The following ZNF614 variants were observed in gnomAD, a reference collection of about 807,000 sequenced individuals.
ZNF614 encodes the protein zinc finger protein 614.
ZNF614 carries 11 observed loss-of-function variants against 12.8 expected under a neutral mutation model. The ratio of observed to expected loss-of-function variants is 0.86; its 90% CI spans 0.54 to 1.43. ZNF614 has a LOEUF of 1.43. ZNF614 is among the 40% of genes most tolerant of loss of function. ZNF614 has a pLI of 0.00. For missense variants in ZNF614, 664 were observed against 708.8 expected (o/e 0.94, Z 0.72); for synonymous variants, 237 against 237.5 (o/e 1.00, Z 0.02).
chr19:52,024,185 C>A (rs2086954237), intron 2 of ZNF614, among the ~76,000 whole-genome samples: 3 of 152,030 alleles, frequency 2.0e-5, no homozygotes, highest in Non-Finnish European at 4.4e-5. Context: ...CATAATAAGC[C>A]AGTAATCTAG....
Position 52,018,240 on chromosome 19 carries a change from T to C in ZNF614, c.142+128A>G, listed in dbSNP as rs2086912688. The stretch of plus-strand genomic sequence containing the variant: ...TAGAAGAGATTATACCACTTTGGGG[T>C]CAGAGAGGGGACTGAAAATGTAACT... On this transcript the variant is annotated intron_variant, in intron 3 of 4. Transcript: ENST00000270649. The C allele has an allele frequency of 9.3e-6, 14 of 1,499,916 alleles. No homozygotes were observed. In the East Asian group the frequency reaches 3.2e-4, roughly 34 times the overall value. The allele number at this position is 1,499,916 out of a possible 1,614,324, so 92.9% of individuals were successfully genotyped here.
chr19:52,015,874 C>T lies in ZNF614; in HGVS notation c.1724G>A (p.Cys575Tyr). ...AGGAAGGAGCTGTGACTCTCCATTA[C>T]AGGAGTTTTCAACTTGACTGATTCT... ...MGRISQVENS[C>Y]NGESQLLPYK The change falls in exon 5 of 5, where the codon TGT (cysteine) becomes TAT (tyrosine). Residue 575 changes from cysteine to tyrosine, a missense_variant. Coordinates refer to ENST00000270649, the MANE Select transcript of ZNF614 (RefSeq NM_025040.4). The T allele has an allele frequency of 6.2e-7, 1 of 1,613,702 alleles. No homozygotes were observed. Among genetic ancestry groups the T allele is most frequent in the Non-Finnish European group, 8.5e-7 (1 of 1,179,752 alleles).
Position 52,025,861 on chromosome 19 carries a change from G to A in ZNF614, c.-116C>T. The stretch of plus-strand genomic sequence containing the variant: ...TCAGAAATATTAGTGTCCACTTAAA[G>A]TTGTCCCCAGAAATTATGATATCCA... On this transcript the variant is annotated 5_prime_UTR_variant, in exon 2 of 5. Transcript: ENST00000270649. 4 of 1,103,670 alleles carry A rather than the reference G, an allele frequency of 3.6e-6. No homozygotes were observed. Among genetic ancestry groups the A allele is most frequent in the Non-Finnish European group, 4.0e-6 (3 of 753,016 alleles). 68.4% of individuals were successfully genotyped at this position (1,103,670 alleles called of 1,614,324 possible). A position where few individuals can be genotyped will look rare whatever the true frequency, so the allele number is the denominator to read the frequency against.
rs928030481 is a variant in ZNF614, at chr19:52,015,081, T to G, written c.*759A>C. On this transcript the variant is annotated 3_prime_UTR_variant, in exon 5 of 5. Coordinates refer to ENST00000270649, the MANE Select transcript of ZNF614 (RefSeq NM_025040.4). The stretch of plus-strand genomic sequence containing the variant: ...TGGCAAGGCAACTAGAAATGAGGAT[T>G]AAGGTATCCTGACTGAAAATGCACA... 2 of 152,194 alleles carry G rather than the reference T, an allele frequency of 1.3e-5. No homozygotes were observed. Among genetic ancestry groups the G allele is most frequent in the South Asian group, 4.1e-4 (2 of 4,834 alleles). The allele number at this position is 152,194 out of a possible 1,614,324, so 9.4% of individuals were successfully genotyped here.
intron 2 of ZNF614, among the ~76,000 whole-genome samples, chr19:52,022,668 A>G (rs1403913911): frequency 6.6e-6 from 1 of 152,016 alleles, no homozygotes; most frequent in Non-Finnish European, 1.5e-5. Context: ...ATTTCTGACT[A>G]ACTGGCTATA....
chr19:52,017,343 G>GTCA lies in ZNF614; in HGVS notation c.252_254dup (p.Asp85dup), dbSNP rs768337784. 7.5e-6 allele frequency: 12 copies of GTCA among 1,596,234 alleles called. No homozygotes were observed. Among genetic ancestry groups the GTCA allele is most frequent in the Non-Finnish European group, 1.0e-5 (12 of 1,172,234 alleles). ...TTGGAGAGTGCTCTTGCAGATGACT[G>GTCA]TCAACTTTCCCGATTCCTAAGAAAG... is the stretch of plus-strand genomic sequence containing the variant. On this transcript the variant is annotated inframe_insertion, in exon 5 of 5. Coordinates refer to ENST00000270649, the MANE Select transcript of ZNF614 (RefSeq NM_025040.4).
intron 4 of ZNF614, 30 bp downstream of exon 4, chr19:52,017,978 T>G (rs377081396): frequency 6.4e-7 from 1 of 1,559,886 alleles, no homozygotes; most frequent in Non-Finnish European, 8.8e-7. Context: ...AAGACTCCTA[T>G]AGCCACTGTC....
Position 52,017,005 on chromosome 19 carries a change from G to A in ZNF614, c.593C>T (p.Thr198Ile). The change falls in exon 5 of 5, where the codon ACT (threonine) becomes ATT (isoleucine). Residue 198 changes from threonine (T) to isoleucine (I), a missense_variant. Transcript: ENST00000270649. ...TKFQVFKHQR[T>I]QKIEKPHACI... ...TGCATGGGGTTTCTCAATTTTCTGA[G>A]TCCTCTGATGCTTGAAGACTTGGAA... 6.2e-7 allele frequency: 1 copy of A among 1,613,890 alleles called. No homozygotes were observed. Among genetic ancestry groups the A allele is most frequent in the Non-Finnish European group, 8.5e-7 (1 of 1,180,008 alleles).
Position 52,015,665 on chromosome 19 carries a change from T to C in ZNF614, c.*175A>G. The C allele has an allele frequency of 3.3e-6, 2 of 607,344 alleles. No individual in the cohort carries two copies. Among genetic ancestry groups the C allele is most frequent in the East Asian group, 2.8e-5 (1 of 36,174 alleles). The allele number at this position is 607,344 out of a possible 1,614,324, so 37.6% of individuals were successfully genotyped here. A position where few individuals can be genotyped will look rare whatever the true frequency, so the allele number is the denominator to read the frequency against. ...TACCTTATTTACTGTATTCATCAAATTGATCTCTAGGGCAAATTATTTCAC... is the reference window on the plus strand; with the variant it reads ...TACCTTATTTACTGTATTCATCAAACTGATCTCTAGGGCAAATTATTTCAC... On this transcript the variant is annotated 3_prime_UTR_variant, in exon 5 of 5. Coordinates refer to ENST00000270649, the MANE Select transcript of ZNF614 (RefSeq NM_025040.4).
At position 52,016,710 on chromosome 19, in the gene ZNF614, A is replaced by G; in HGVS notation, c.888T>C (p.Phe296=). ...SYMCSECGKG[F]TMKRYLIAHQ... is the part of the protein sequence containing the mutation. ...GAGCAATTAGATAGCGCTTCATTGTAAAGCCCTTTCCACACTCACTGCACA... is the reference window on the plus strand; with the variant it reads ...GAGCAATTAGATAGCGCTTCATTGTGAAGCCCTTTCCACACTCACTGCACA... Residue 296 remains phenylalanine, a synonymous_variant, in exon 5 of 5, where the codon TTT becomes TTC. Transcript: ENST00000270649. 1 of 1,614,210 alleles carries G rather than the reference A, an allele frequency of 6.2e-7. No homozygotes were observed. The highest frequency in any genetic ancestry group is 8.5e-7 in the Non-Finnish European group (1 of 1,180,042).
In ZNF614 at chr19:52,016,753, G is replaced by C; in HGVS notation, c.845C>G (p.Thr282Arg). 6.2e-7 allele frequency: 1 copy of C among 1,614,154 alleles called. No homozygotes were observed. The highest frequency in any genetic ancestry group is 8.5e-7 in the Non-Finnish European group (1 of 1,180,042). ...SSLITHQQTH[T>R]EEKSYMCSEC... The stretch of plus-strand genomic sequence containing the variant: ...ACTGCACATATAGGATTTCTCTTCT[G>C]TATGGGTTTGTTGATGTGTAATGAG... The change falls in exon 5 of 5, where the codon ACA (threonine) becomes AGA (arginine). Residue 282 changes from threonine (T) to arginine (R), a missense_variant. By Grantham distance (71) the Thr-to-Arg change is moderately conservative. Transcript: ENST00000270649.
chr19:52,028,305 G>C lies in ZNF614; in HGVS notation c.-280C>G, dbSNP rs1354665036. On this transcript the variant is annotated 5_prime_UTR_variant, in exon 1 of 5. Transcript: ENST00000270649. ...AAACGCCGCATCCACGTCCGAAAAC[G>C]CTTCCTATTCAGACGCGCTCCTGCG... The C allele has an allele frequency of 6.6e-6, 1 of 152,456 alleles. No individual in the cohort carries two copies. The allele number at this position is 152,456 out of a possible 1,614,324, so 9.4% of individuals were successfully genotyped here. A position where few individuals can be genotyped will look rare whatever the true frequency, so the allele number is the denominator to read the frequency against.
At chr19:52,024,946 G>T (rs1188139290) in intron 2 of ZNF614, among the ~76,000 whole-genome samples, 6 of 152,116 alleles carry the variant, frequency 3.9e-5, no homozygotes, top group Non-Finnish European at 5.9e-5. Flanking sequence ...AGAAAAAGAG[G>T]AAGGCCTTTT....
At chr19:52,022,320 G>A (rs373432335) in intron 2 of ZNF614, among the ~76,000 whole-genome samples, 21 of 150,880 alleles carry the variant, frequency 1.4e-4, no homozygotes, top group African/African-American at 4.6e-4. Flanking sequence ...TGGGAAGTGA[G>A]AAGCGCCTCT....
intron 2 of ZNF614, among the ~76,000 whole-genome samples, chr19:52,023,238 A>C (rs1264365554): frequency 6.7e-6 from 1 of 150,332 alleles, no homozygotes; most frequent in Non-Finnish European, 1.5e-5. Flanking sequence ...GCACGATCTC[A>C]GTTCACTGCA....
At chr19:52,021,646 G>A (rs1339797080) in intron 2 of ZNF614, among the ~76,000 whole-genome samples, 1 of 151,980 alleles carries the variant, frequency 6.6e-6, no homozygotes, top group Non-Finnish European at 1.5e-5. Flanking sequence ...AGGAGGCTAA[G>A]GCAGGCAGAT....
chr19:52,014,483 C>G lies in ZNF614; in HGVS notation c.*1357G>C, dbSNP rs2086884799. 1 of 152,192 alleles carries G rather than the reference C, an allele frequency of 6.6e-6. No individual in the cohort carries two copies. Among genetic ancestry groups the G allele is most frequent in the Non-Finnish European group, 1.5e-5 (1 of 68,046 alleles). 9.4% of individuals were successfully genotyped at this position (152,192 alleles called of 1,614,324 possible). ...TAAATTCCGAGTTCCCACTGCCCTA[C>G]TCAGGTTTGATAATTTGCTACAGGG... is the stretch of plus-strand genomic sequence containing the variant. On this transcript the variant is annotated 3_prime_UTR_variant, in exon 5 of 5. Coordinates refer to ENST00000270649, the MANE Select transcript of ZNF614 (RefSeq NM_025040.4).
chr19:52,017,884 G>T, intron 4 of ZNF614, 124 bp downstream of exon 4: 1 of 634,244 alleles, frequency 1.6e-6, no homozygotes, highest in Non-Finnish European at 2.7e-6. Flanking sequence ...AAAGTTATCA[G>T]ATGGGGAGAT....
rs886699234 is a variant in ZNF614, at chr19:52,018,232, C to T, written c.143-129G>A. The T allele has an allele frequency of 6.8e-6, 10 of 1,475,734 alleles. No homozygotes were observed. The African/African-American group carries it at 1.1e-4, about 16-fold the overall frequency. The allele number at this position is 1,475,734 out of a possible 1,614,324, so 91.4% of individuals were successfully genotyped here. A position where few individuals can be genotyped will look rare whatever the true frequency, so the allele number is the denominator to read the frequency against. On this transcript the variant is annotated intron_variant, in intron 3 of 4. Coordinates refer to ENST00000270649, the MANE Select transcript of ZNF614 (RefSeq NM_025040.4). Reference sequence around the variant, plus strand: ...TTCTGTCTTAGAAGAGATTATACCACTTTGGGGTCAGAGAGGGGACTGAAA... The same window carrying T: ...TTCTGTCTTAGAAGAGATTATACCATTTTGGGGTCAGAGAGGGGACTGAAA...
Sources: gnomAD v4.1 joint callset for allele counts (sites outside exome capture counted in the v4.1 genomes callset) on GRCh38, gnomAD v4.1.1 for gene constraint, MANE v1.5 for transcripts, NCBI Gene and HGNC (gene_info 2026-07-23, HGNC 2026-07-21) for gene names.